The following HERC4 variants were observed in gnomAD, a reference collection of about 807,000 sequenced individuals.
HERC4 encodes HECT and RLD domain containing E3 ubiquitin protein ligase 4.
HERC4 carries 28 observed loss-of-function variants against 124.3 expected under a neutral mutation model. The observed-to-expected ratio is 0.23, with a 90% confidence interval of 0.17 to 0.31. The LOEUF (loss-of-function observed/expected upper bound fraction) is 0.31. Among genes scored for constraint, HERC4 ranks in the 10% least tolerant of loss-of-function variants. The pLI, the probability that HERC4 is intolerant of heterozygous loss-of-function variation, is 1.00. For synonymous variants in HERC4, 407 were observed against 421.5 expected (o/e 0.97, Z 0.42); for missense variants, 713 against 1,229.3 (o/e 0.58, Z 6.28).
Position 68,044,419 on chromosome 10 carries a change from C to T in HERC4, c.371G>A (p.Cys124Tyr). The T allele has an allele frequency of 6.2e-7, 1 of 1,612,546 alleles. No homozygotes were observed. The highest frequency in any genetic ancestry group is 8.5e-7 in the Non-Finnish European group (1 of 1,179,584). ...GQLGLVGSEE[C>Y]IRVPRNIKSL... is the part of the protein sequence containing the mutation. Reference sequence around the variant, plus strand: ...CCTTTGTTACCTGGGTACTCTGATGCATTCCTCTGATCCTACCAGGCCAAG... The same window carrying T: ...CCTTTGTTACCTGGGTACTCTGATGTATTCCTCTGATCCTACCAGGCCAAG... The change falls in exon 4 of 25, where the codon TGC (cysteine) becomes TAC (tyrosine). Residue 124 changes from cysteine to tyrosine, a missense_variant. Transcript: ENST00000373700.
intron 9 of HERC4, among the ~76,000 whole-genome samples, chr10:68,006,810 C>G (rs983461880): frequency 6.6e-6 from 1 of 152,172 alleles, no homozygotes; most frequent in African/African-American, 2.4e-5. Context: ...CCATTCTCTC[C>G]TAATCTGTAA....
intron 8 of HERC4, among the ~76,000 whole-genome samples, chr10:68,021,336 T>A (rs928691258): frequency 6.6e-6 from 1 of 152,154 alleles, no homozygotes. Context: ...AATTAATATA[T>A]GTAATCAATG....
intron 16 of HERC4, among the ~76,000 whole-genome samples, chr10:67,957,512 T>C (rs2034218538): frequency 1.3e-5 from 2 of 152,230 alleles, no homozygotes; most frequent in African/African-American, 4.8e-5. Flanking sequence ...TTACGAGAAC[T>C]GATCTATTAT....
chr10:67,965,609 A>G (rs1275573342), intron 16 of HERC4: 2 of 152,246 alleles, frequency 1.3e-5, no homozygotes, highest in Non-Finnish European at 2.9e-5. Context: ...AACAGCGTGC[A>G]CTAACCAGAT....
At chr10:67,969,163 C>A (rs1246196513) in intron 15 of HERC4, among the ~76,000 whole-genome samples, 1 of 152,194 alleles carries the variant, frequency 6.6e-6, no homozygotes, top group Non-Finnish European at 1.5e-5. Context: ...GAAAACTTTT[C>A]TTGAACCTGT....
chr10:67,932,852 A>C, intron 22 of HERC4, 72 bp from the exon 23 acceptor site: 1 of 1,299,002 alleles, frequency 7.7e-7, no homozygotes, highest in Non-Finnish European at 1.1e-6. Flanking sequence ...TAGTCATTAA[A>C]ACTTCAAGTG....
chr10:67,997,819 T>C (rs751386994), intron 9 of HERC4, among the ~76,000 whole-genome samples: 12 of 152,182 alleles, frequency 7.9e-5, no homozygotes, highest in Non-Finnish European at 1.5e-4. Context: ...TTGTACGAGG[T>C]GGAAGAAACA....
intron 19 of HERC4, among the ~76,000 whole-genome samples, chr10:67,946,732 C>A (rs1172723986): frequency 6.6e-6 from 1 of 152,026 alleles, no homozygotes; most frequent in South Asian, 2.1e-4. Context: ...CATGGTGAAA[C>A]CTCATCTCTA....
At chr10:67,941,669 CT>C (rs755666986) in intron 19 of HERC4, among the ~76,000 whole-genome samples, 4,047 of 91,568 alleles carry the variant, frequency 0.044, 33 homozygotes, top group East Asian at 0.25. Flanking sequence ...TAAAACACAA[CT>C]TTTTTTTTTT....
intron 15 of HERC4, among the ~76,000 whole-genome samples, chr10:67,973,612 G>A (rs2035384889): frequency 6.6e-6 from 1 of 152,148 alleles, no homozygotes; most frequent in African/African-American, 2.4e-5. Context: ...AATAAGTAGA[G>A]AGGCTGGCAA....
At position 67,956,908 on chromosome 10, in the gene HERC4, C is replaced by T. The variant is rs1022928093; in HGVS notation, c.1995G>A (p.Leu665=). The change falls in exon 17 of 25, where the codon CTG becomes CTA. Residue 665 remains leucine (L), a synonymous_variant. Coordinates refer to ENST00000373700, the MANE Select transcript of HERC4 (RefSeq NM_015601.4). The stretch of plus-strand genomic sequence containing the variant: ...TCTGTAAGACTGCATCGGTCTGTAA[C>T]AGAGTAGTTTTTGCTTGGGCATCAA... ...FVFDAQAKTT[L]LQTDAVLQMQ... is the part of the protein sequence containing the mutation. The T allele has an allele frequency of 3.7e-6, 6 of 1,600,234 alleles. No individual in the cohort carries two copies. Among genetic ancestry groups the T allele is most frequent in the Non-Finnish European group, 8.5e-7 (1 of 1,174,602 alleles).
At chr10:67,939,706 A>G (rs765976651) in intron 20 of HERC4, 52 bp from the exon 21 acceptor site, 2 of 1,008,406 alleles carry the variant, frequency 2.0e-6, no homozygotes, top group East Asian at 2.4e-5. Context: ...GGATATTTTG[A>G]CTATTTTACT....
At chr10:67,936,422 T>C (rs2032366816) in intron 21 of HERC4, among the ~76,000 whole-genome samples, 187 bp from the exon 22 acceptor site, 2 of 152,206 alleles carry the variant, frequency 1.3e-5, no homozygotes, top group Non-Finnish European at 2.9e-5. Context: ...ACTCTCTAGT[T>C]TGAAATCCTA....
chr10:68,022,208 G>A (rs1474065096), intron 8 of HERC4, among the ~76,000 whole-genome samples: 2 of 152,082 alleles, frequency 1.3e-5, no homozygotes, highest in Non-Finnish European at 2.9e-5. Flanking sequence ...CCAAAAGAAT[G>A]TACAGACTCG....
At chr10:67,925,026 A>G (rs2030730387) in intron 24 of HERC4, 59 bp downstream of exon 24, 1 of 949,270 alleles carries the variant, frequency 1.1e-6, no homozygotes, top group Non-Finnish European at 1.6e-6. Context: ...AGGGCTTTGG[A>G]ATAATACTAT....
At chr10:68,023,103 AG>A (rs2038727301) in intron 8 of HERC4, among the ~76,000 whole-genome samples, 1 of 152,176 alleles carries the variant, frequency 6.6e-6, no homozygotes, top group South Asian at 2.1e-4. Context: ...AATATAAAAC[AG>A]GGCAGTTACT....
At chr10:67,928,520 T>C (rs2031404630) in intron 23 of HERC4, among the ~76,000 whole-genome samples, 1 of 152,178 alleles carries the variant, frequency 6.6e-6, no homozygotes, top group South Asian at 2.1e-4. Flanking sequence ...AATTATTCTT[T>C]AAAATGGCTT....
chr10:67,972,789 T>C (rs1039511879), intron 15 of HERC4, among the ~76,000 whole-genome samples: 10 of 152,042 alleles, frequency 6.6e-5, no homozygotes, highest in African/African-American at 1.7e-4. Flanking sequence ...CAACAAACAA[T>C]TGCAAAAACC....
At chr10:67,930,370 C>T (rs2031662225) in intron 23 of HERC4, among the ~76,000 whole-genome samples, 1 of 152,186 alleles carries the variant, frequency 6.6e-6, no homozygotes, top group Non-Finnish European at 1.5e-5. Context: ...TTCATTTCAT[C>T]TAGTAAAACT....
Sources: allele counts gnomAD v4.1 joint callset (sites outside exome capture counted in the v4.1 genomes callset), GRCh38; gene constraint gnomAD v4.1.1; transcripts MANE v1.5; gene names NCBI Gene and HGNC (gene_info 2026-07-23, HGNC 2026-07-21).